The following DNAJB4 variants were observed in gnomAD, a reference collection of about 807,000 sequenced individuals.
DNAJB4 encodes the protein DnaJ heat shock protein family (Hsp40) member B4.
A neutral mutation model predicts 26.6 loss-of-function variants in DNAJB4; 10 were observed. The observed-to-expected ratio is 0.38, with a 90% CI of 0.23 to 0.64. The LOEUF (loss-of-function observed/expected upper bound fraction) is 0.64. DNAJB4 is among the 30% of genes least tolerant of loss of function. The pLI, the probability that DNAJB4 is intolerant of heterozygous loss-of-function variation, is 0.58. For synonymous variants in DNAJB4, 136 were observed against 134.8 expected, an observed-to-expected ratio of 1.01 and a Z score of -0.06; for missense variants, 328 against 408.2, an observed-to-expected ratio of 0.80 and a Z score of 1.69.
rs1660038247 is a variant in DNAJB4, at chr1:77,995,456, T to G, written c.-31-9624T>G. Among the ~76,000 whole-genome samples the G allele has an allele frequency of 2.6e-5, 4 of 152,118 alleles. No homozygotes were observed. In the South Asian group the frequency reaches 8.3e-4, roughly 31 times the overall value. The stretch of plus-strand genomic sequence containing the variant: ...TTTTAAAATTTTTTGGCTAATACAG[T>G]GTTTTTGGTTTTGAGACAGTCTTGC... On this transcript the variant is annotated intron_variant, in intron 1 of 2. Transcript: ENST00000426517.
intron 1 of DNAJB4, among the ~76,000 whole-genome samples, chr1:78,005,546 C>CT (rs1660311285): frequency 6.6e-6 from 1 of 152,010 alleles, no homozygotes; most frequent in Admixed American, 6.6e-5. Flanking sequence ...CCTTGTTTGC[C>CT]TTTTTTATTT....
chr1:77,986,340 T>G (rs902643783), intron 1 of DNAJB4, among the ~76,000 whole-genome samples: 7 of 152,236 alleles, frequency 4.6e-5, no homozygotes. Context: ...GGCCACAGCC[T>G]GCATCTAGTC....
chr1:78,005,060 C>T lies in DNAJB4; in HGVS notation c.-51C>T, dbSNP rs747304458. ...TAGAATCTGTTGCTAAGACTGGGGA[C>T]GCTGTTTTCTTTTACAAAGGGAAAT... On this transcript the variant is annotated 5_prime_UTR_variant, in exon 1 of 3. The change creates a new upstream start codon in the 5' untranslated region. Transcript: ENST00000370763. The T allele has an allele frequency of 4.5e-6, 7 of 1,551,336 alleles. No individual in the cohort carries two copies. The Admixed American group carries it at 9.2e-5, about 20-fold the overall frequency.
Position 77,990,271 on chromosome 1 carries a change from G to A in DNAJB4, c.-32+9949G>A, listed in dbSNP as rs536713114. Among the ~76,000 whole-genome samples, 226 of 152,242 alleles carry A rather than the reference G, an allele frequency of 1.5e-3. 2 individuals are homozygous for A. The highest frequency in any genetic ancestry group is 2.3e-3 in the Non-Finnish European group (154 of 68,020). On this transcript the variant is annotated intron_variant, in intron 1 of 2. Coordinates refer to the DNAJB4 transcript ENST00000426517. Reference sequence around the variant, plus strand: ...TGATTGATGTGCCCCTTAAATGCTGGTCATCCCAAAGTTCTGTCTTTGATT... The same window carrying A: ...TGATTGATGTGCCCCTTAAATGCTGATCATCCCAAAGTTCTGTCTTTGATT...
At chr1:78,008,897 G>A (rs183781892) in intron 1 of DNAJB4, among the ~76,000 whole-genome samples, 111 of 152,182 alleles carry the variant, frequency 7.3e-4, no homozygotes, top group African/African-American at 2.5e-3. Flanking sequence ...TGTGTTAAGA[G>A]ATTTAAAAGA....
chr1:77,986,394 T>C (rs1382300595), intron 1 of DNAJB4, among the ~76,000 whole-genome samples: 1 of 152,232 alleles, frequency 6.6e-6, no homozygotes, highest in Non-Finnish European at 1.5e-5. Context: ...AAGTCTGATA[T>C]TCTCCTCAAG....
chr1:78,008,921 AAC>A (rs768296147), intron 1 of DNAJB4, among the ~76,000 whole-genome samples: 1 of 152,130 alleles, frequency 6.6e-6, no homozygotes, highest in Non-Finnish European at 1.5e-5. Flanking sequence ...GATTTTCAAT[AAC>A]ACATCCTCAT....
chr1:77,998,159 T>C (rs1165647686), intron 1 of DNAJB4, among the ~76,000 whole-genome samples: 3 of 152,198 alleles, frequency 2.0e-5, no homozygotes, highest in Non-Finnish European at 4.4e-5. Flanking sequence ...TAGAATGAGT[T>C]GAATGAGAGC....
At chr1:77,982,966 A>G (rs1659694685) in intron 1 of DNAJB4, among the ~76,000 whole-genome samples, 1 of 152,216 alleles carries the variant, frequency 6.6e-6, no homozygotes, top group South Asian at 2.1e-4. Context: ...TTAGGAAAGA[A>G]AAAGACACAA....
At chr1:77,998,288 A>T (rs1198492644) in intron 1 of DNAJB4, among the ~76,000 whole-genome samples, 1 of 152,200 alleles carries the variant, frequency 6.6e-6, no homozygotes, top group Non-Finnish European at 1.5e-5. Flanking sequence ...GCACTATGAT[A>T]ACCACCTTTT....
chr1:78,001,935 T>C (rs1178708923), upstream of DNAJB4, among the ~76,000 whole-genome samples: 1 of 152,240 alleles, frequency 6.6e-6, no homozygotes, highest in Non-Finnish European at 1.5e-5. Context: ...AATTTTTATA[T>C]CTTTGTTAAA....
upstream of DNAJB4, chr1:78,004,908 G>A: frequency 3.4e-6 from 2 of 595,666 alleles, no homozygotes; most frequent in African/African-American, 3.7e-5. Context: ...CCTGTGTAGT[G>A]TATATTTATC....
upstream of DNAJB4, chr1:77,979,205 C>A: frequency 3.5e-6 from 2 of 572,926 alleles, no homozygotes; most frequent in South Asian, 2.3e-5. Flanking sequence ...TGAGAAAGAA[C>A]GACAGGAACA....
At chr1:77,984,675 T>A (rs1485201677) in intron 1 of DNAJB4, among the ~76,000 whole-genome samples, 1 of 152,194 alleles carries the variant, frequency 6.6e-6, no homozygotes, top group Non-Finnish European at 1.5e-5. Flanking sequence ...CGCGTCTTAT[T>A]CTTTGGTTTG....
At chr1:77,992,256 A>G (rs1221291159) in intron 1 of DNAJB4, among the ~76,000 whole-genome samples, 1 of 151,132 alleles carries the variant, frequency 6.6e-6, no homozygotes, top group African/African-American at 2.4e-5. Flanking sequence ...TACTAAAAAT[A>G]CAAAAAATTA....
At chr1:77,979,825 G>A (rs982858586), upstream of DNAJB4, among the ~76,000 whole-genome samples, 2 of 152,084 alleles carry the variant, frequency 1.3e-5, no homozygotes, top group East Asian at 3.9e-4. Flanking sequence ...TTCAGTGTTA[G>A]CCAGATTTAA....
chr1:78,011,619 G>A (rs1660476402), intron 1 of DNAJB4, among the ~76,000 whole-genome samples: 1 of 151,692 alleles, frequency 6.6e-6, no homozygotes, highest in South Asian at 2.1e-4. Context: ...CAAGTAGCTG[G>A]GATTATAGGC....
At chr1:77,991,164 A>G (rs933928041) in intron 1 of DNAJB4, among the ~76,000 whole-genome samples, 2 of 152,194 alleles carry the variant, frequency 1.3e-5, no homozygotes, top group African/African-American at 2.4e-5. Context: ...ACCTACACAC[A>G]TGCCCTATTT....
rs542188034 is a variant in DNAJB4, at chr1:78,015,119, G to A, written c.781-895G>A. ...TATACAGTATTATAATGGCTAGTTT[G>A]CTTCTATGTTTCTGTGAGTTCCTTG... is the stretch of plus-strand genomic sequence containing the variant. On this transcript the variant is annotated intron_variant, in intron 2 of 2. Transcript: ENST00000370763. Among the ~76,000 whole-genome samples the A allele has an allele frequency of 4.6e-5, 7 of 152,264 alleles. No individual in the cohort carries two copies. The South Asian group carries it at 1.5e-3, about 32-fold the overall frequency.
Sources: gnomAD v4.1 joint callset for allele counts (sites outside exome capture counted in the v4.1 genomes callset) on GRCh38, gnomAD v4.1.1 for gene constraint, MANE v1.5 for transcripts, NCBI Gene and HGNC (gene_info 2026-07-23, HGNC 2026-07-21) for gene names.